The following ANKS1B variants were observed in gnomAD, a reference collection of about 807,000 sequenced individuals.
ANKS1B encodes the protein ankyrin repeat and sterile alpha motif domain containing 1B, also known as ankyrin repeat and sterile alpha motif domain-containing protein 1B.
ANKS1B carries 36 observed loss-of-function variants against 148.3 expected under a neutral mutation model. That is an observed-to-expected ratio of 0.24 (90% CI 0.19 to 0.32). ANKS1B has a LOEUF of 0.32. Among genes scored for constraint, ANKS1B ranks in the 10% least tolerant of loss-of-function variants. The pLI, the probability that ANKS1B is intolerant of heterozygous loss-of-function variation, is 1.00. For missense variants in ANKS1B, 1,157 were observed against 1,542.6 expected (o/e 0.75, Z 4.19); for synonymous variants, 542 against 560.8 (o/e 0.97, Z 0.47).
chr12:99,735,469 G>C lies in ANKS1B; in HGVS notation c.1128+37453C>G, dbSNP rs115255532. Among the ~76,000 whole-genome samples the C allele has an allele frequency of 4.4e-3, 676 of 152,090 alleles. 5 individuals are homozygous for C. Among genetic ancestry groups the C allele is most frequent in the African/African-American group, 0.016 (653 of 41,518 alleles). ...CTTAGAAATACAAAATATCATCAGAGACTATTATTAACAGCTATACATAAA... is the reference window on the plus strand; with the variant it reads ...CTTAGAAATACAAAATATCATCAGACACTATTATTAACAGCTATACATAAA... On this transcript the variant is annotated intron_variant, in intron 8 of 26. Coordinates refer to ENST00000683438, the MANE Select transcript of ANKS1B (RefSeq NM_001352186.2).
At chr12:99,152,089 A>G (rs559484595) in intron 15 of ANKS1B, among the ~76,000 whole-genome samples, 3 of 152,290 alleles carry the variant, frequency 2.0e-5, no homozygotes, top group East Asian at 3.9e-4. Flanking sequence ...GAGCAAGCCA[A>G]TCATATTCAT....
chr12:99,774,968 T>C (rs534154411), intron 7 of ANKS1B, among the ~76,000 whole-genome samples: 6 of 151,172 alleles, frequency 4.0e-5, no homozygotes, highest in African/African-American at 1.2e-4. Flanking sequence ...AAACAGAGAG[T>C]AGAATGGTGA....
intron 12 of ANKS1B, among the ~76,000 whole-genome samples, chr12:99,382,217 A>G (rs2093667895): frequency 6.6e-6 from 1 of 152,196 alleles, no homozygotes. Context: ...GTGAGTCATA[A>G]TGCCACTCAG....
rs145879102 is a variant in ANKS1B, at chr12:99,381,606, C to T, written c.1756+18025G>A. Among the ~76,000 whole-genome samples the T allele has an allele frequency of 1.3e-3, 195 of 152,204 alleles. 2 individuals are homozygous for T. The Middle Eastern group carries it at 0.037, about 29-fold the overall frequency. On this transcript the variant is annotated intron_variant, in intron 12 of 26. Transcript: ENST00000683438. ...GGTCAAGTAAAATAAAGACTTTGTC[C>T]GTTGCATTTAGGAAAAGGCAGTTGT... is the stretch of plus-strand genomic sequence containing the variant.
At chr12:99,047,444 A>C (rs2099963242) in intron 17 of ANKS1B, among the ~76,000 whole-genome samples, 1 of 152,204 alleles carries the variant, frequency 6.6e-6, no homozygotes, top group African/African-American at 2.4e-5. Context: ...AAAATTTCCA[A>C]AGTTGATGAC....
At chr12:99,869,591 G>C (rs531212441) in intron 1 of ANKS1B, among the ~76,000 whole-genome samples, 50 of 151,766 alleles carry the variant, frequency 3.3e-4, no homozygotes, top group African/African-American at 1.2e-3. Flanking sequence ...TGAGGCAGGA[G>C]AATCACTTGA....
intron 17 of ANKS1B, among the ~76,000 whole-genome samples, chr12:99,040,022 ATC>A (rs2099957943): frequency 6.6e-6 from 1 of 152,082 alleles, no homozygotes; most frequent in South Asian, 2.1e-4. Context: ...GTGTGGGAGT[ATC>A]TGTTTCTCTA....
intron 8 of ANKS1B, among the ~76,000 whole-genome samples, chr12:99,676,122 G>T (rs995103362): frequency 2.6e-5 from 4 of 152,020 alleles, no homozygotes; most frequent in African/African-American, 7.2e-5. Flanking sequence ...CCTTTGCTTG[G>T]CACTTCTCCT....
At position 99,945,291 on chromosome 12, in the gene ANKS1B, A is replaced by C. The variant is rs116873679; in HGVS notation, c.134+38813T>G. Among the ~76,000 whole-genome samples, 758 of 152,076 alleles carry C rather than the reference A, an allele frequency of 5.0e-3. 3 individuals carry two copies. Among genetic ancestry groups the C allele is most frequent in the Non-Finnish European group, 7.4e-3 (506 of 67,980 alleles). On this transcript the variant is annotated intron_variant, in intron 1 of 26. Transcript: ENST00000683438. ...GAGTGGAGCTGAGGAAGAATATGCC[A>C]AAGGAAATACCAGGTGCAAAGGCCC...
intron 9 of ANKS1B, among the ~76,000 whole-genome samples, chr12:99,607,058 G>A (rs1405928893): frequency 2.0e-5 from 3 of 152,096 alleles, no homozygotes; most frequent in East Asian, 1.9e-4. Context: ...ACAATGCCTG[G>A]AGTACTTGAC....
chr12:98,888,237 G>C (rs1468427382), intron 17 of ANKS1B, among the ~76,000 whole-genome samples: 2 of 152,256 alleles, frequency 1.3e-5, no homozygotes, highest in East Asian at 1.9e-4. Flanking sequence ...GAGAACTATA[G>C]GGAACTGTTA....
At chr12:99,116,003 C>G (rs1023737340) in intron 15 of ANKS1B, among the ~76,000 whole-genome samples, 2 of 150,964 alleles carry the variant, frequency 1.3e-5, no homozygotes, top group African/African-American at 4.9e-5. Flanking sequence ...TCTACTATTT[C>G]CTAGCTGTGT....
At chr12:99,243,546 T>G (rs79061842) in intron 14 of ANKS1B, among the ~76,000 whole-genome samples, 4 of 152,230 alleles carry the variant, frequency 2.6e-5, no homozygotes. Flanking sequence ...TAAAGGATCA[T>G]AAATCATGTT....
intron 16 of ANKS1B, among the ~76,000 whole-genome samples, chr12:99,059,659 C>T (rs10777953): frequency 0.57 from 85,611 of 151,154 alleles, 25,078 homozygotes; most frequent in East Asian, 0.74. Context: ...AGGTATTGGA[C>T]CAAGGATCTC....
At chr12:98,911,918 G>A (rs117020494) in intron 17 of ANKS1B, among the ~76,000 whole-genome samples, 2,337 of 152,198 alleles carry the variant, frequency 0.015, 27 homozygotes, top group Non-Finnish European at 0.024. Flanking sequence ...ATCCCTCAGG[G>A]ACACCTTGAC....
At chr12:99,604,840 A>G (rs1269640204) in intron 9 of ANKS1B, among the ~76,000 whole-genome samples, 1 of 151,486 alleles carries the variant, frequency 6.6e-6, no homozygotes, top group Non-Finnish European at 1.5e-5. Context: ...AAAGAAAAGA[A>G]AAGAAAAAAT....
intron 17 of ANKS1B, among the ~76,000 whole-genome samples, chr12:99,012,710 T>C (rs1477100205): frequency 6.6e-6 from 1 of 152,212 alleles, no homozygotes; most frequent in Non-Finnish European, 1.5e-5. Flanking sequence ...ACTTGGGTTG[T>C]ATTTTTTGAA....
At chr12:99,516,449 T>G (rs2096822085) in intron 9 of ANKS1B, among the ~76,000 whole-genome samples, 1 of 152,106 alleles carries the variant, frequency 6.6e-6, no homozygotes, top group South Asian at 2.1e-4. Context: ...GGGACATAGA[T>G]GAAGCTGGAA....
intron 14 of ANKS1B, among the ~76,000 whole-genome samples, chr12:99,188,343 A>G (rs987517136): frequency 6.6e-6 from 1 of 151,002 alleles, no homozygotes; most frequent in Non-Finnish European, 1.5e-5. Context: ...GAACAAGCAG[A>G]CCTAATAGAC....
Sources: allele counts gnomAD v4.1 joint callset (sites outside exome capture counted in the v4.1 genomes callset), GRCh38; gene constraint gnomAD v4.1.1; transcripts MANE v1.5; gene names NCBI Gene and HGNC (gene_info 2026-07-23, HGNC 2026-07-21).